SETD2: variants seen among roughly 807,000 people sequenced by gnomAD.
The protein encoded by SETD2 is histone-lysine N-methyltransferase SETD2.
A neutral mutation model predicts 242.1 loss-of-function variants in SETD2; 31 were observed. That is an observed-to-expected ratio of 0.13 (90% CI 0.10 to 0.17). The LOEUF is 0.17. Ranked by LOEUF, SETD2 falls within the 10% of genes least tolerant of loss-of-function variation. The probability of loss-of-function intolerance (pLI) is 1.00; values close to 1 mark genes in which losing one functional copy is unlikely to be tolerated. For missense variants in SETD2, 2,481 were observed against 3,046.3 expected, an observed-to-expected ratio of 0.81 and a Z score of 4.37; for synonymous variants, 1,006 against 1,066.5, an observed-to-expected ratio of 0.94 and a Z score of 1.11.
chr3:47,141,753 C>T (rs1268420885), intron 1 of SETD2, among the ~76,000 whole-genome samples: 1 of 152,020 alleles, frequency 6.6e-6, no homozygotes, highest in African/African-American at 2.4e-5. Context: ...AAGTTACCAC[C>T]CGACCAAAAT....
Position 47,159,890 on chromosome 3 carries a change from G to A in SETD2, c.71+3964C>T, listed in dbSNP as rs1282303968. ...TTCAGGAGGCTGAAGCAGGAGAATC[G>A]CTTAAAGCCAGGGGGCAGAGGTTGC... On this transcript the variant is annotated intron_variant, in intron 1 of 20. Coordinates refer to ENST00000409792, the MANE Select transcript of SETD2 (RefSeq NM_014159.7). Among the ~76,000 whole-genome samples, 9 of 151,390 alleles carry A rather than the reference G, an allele frequency of 5.9e-5. No individual in the cohort carries two copies. In the South Asian group the frequency reaches 1.0e-3, roughly 18 times the overall value.
At chr3:47,027,892 C>T (rs993635407) in intron 18 of SETD2, among the ~76,000 whole-genome samples, 5 of 151,486 alleles carry the variant, frequency 3.3e-5, no homozygotes, top group African/African-American at 4.9e-5. Flanking sequence ...CCCGGGTTCA[C>T]GCCATTCTCC....
chr3:47,144,362 G>A (rs1396283213), intron 1 of SETD2, among the ~76,000 whole-genome samples: 5 of 152,094 alleles, frequency 3.3e-5, no homozygotes, highest in African/African-American at 1.2e-4. Context: ...AGTCCAGCCG[G>A]GTGCAGTGGC....
intron 18 of SETD2, among the ~76,000 whole-genome samples, chr3:47,024,900 T>C (rs1004460488): frequency 1.3e-5 from 2 of 152,124 alleles, no homozygotes; most frequent in African/African-American, 4.8e-5. Flanking sequence ...TACACTTATC[T>C]TGATGGTGAG....
chr3:47,101,665 T>C (rs2042219531), intron 7 of SETD2, 110 bp from the exon 8 acceptor site: 7 of 614,996 alleles, frequency 1.1e-5, no homozygotes, highest in African/African-American at 3.7e-5. Context: ...TCATCTGCCT[T>C]AATTATGCAA....
rs559045162 is a variant in SETD2 at position 47,037,670 on chromosome 3, A to C, written c.7346T>G (p.Met2449Arg). The C allele has an allele frequency of 6.2e-7, 1 of 1,611,404 alleles. No individual in the cohort carries two copies. Among genetic ancestry groups the C allele is most frequent in the African/African-American group, 1.3e-5 (1 of 74,924 alleles). ...ACATGTGTAAGCCACACTCACCTTCATGGGGTTTTCATCATATGTTGGAGT... is the reference window on the plus strand; with the variant it reads ...ACATGTGTAAGCCACACTCACCTTCCTGGGGTTTTCATCATATGTTGGAGT... ...LGTPTYDENP[M>R]KASKKPKTAE... The change falls in exon 18 of 21, where the codon ATG becomes AGG. Residue 2449 changes from methionine (M) to arginine (R), a missense_variant. This residue lies in a region of SETD2 where 40 missense variants were observed against 89.5 expected (regional missense o/e 0.45). Coordinates refer to ENST00000409792, the MANE Select transcript of SETD2 (RefSeq NM_014159.7).
At chr3:47,046,388 A>G (rs570854901) in intron 16 of SETD2, 99 bp downstream of exon 16, 1 of 1,098,032 alleles carries the variant, frequency 9.1e-7, no homozygotes, top group Non-Finnish European at 1.2e-6. Flanking sequence ...TGAAAAAAAA[A>G]CCCAAAAATA....
At position 47,091,850 on chromosome 3, in the gene SETD2, C is replaced by T. The variant is rs2041818316; in HGVS notation, c.5143-3603G>A. On this transcript the variant is annotated intron_variant, in intron 9 of 20. Coordinates refer to ENST00000409792, the MANE Select transcript of SETD2 (RefSeq NM_014159.7). ...ATCCCAGCTACTCTGATGGCTGAGG[C>T]AGGAGAATCACTTGAACTTGGGAGG... is the stretch of plus-strand genomic sequence containing the variant. Among the ~76,000 whole-genome samples, 3 of 152,024 alleles carry T rather than the reference C, an allele frequency of 2.0e-5. No individual in the cohort carries two copies. The South Asian group carries it at 6.2e-4, about 31-fold the overall frequency.
intron 9 of SETD2, among the ~76,000 whole-genome samples, chr3:47,089,230 GAGCTCAGGAGTTTAAGACC>G (rs1249857645): frequency 6.6e-6 from 1 of 152,162 alleles, no homozygotes; most frequent in African/African-American, 2.4e-5. Context: ...AAGATGACTT[GAGCTCAGGAGTTTAAGACC>G]AGCCTGGGCA....
chr3:47,027,209 G>T (rs2038523234), intron 18 of SETD2, among the ~76,000 whole-genome samples: 1 of 151,814 alleles, frequency 6.6e-6, no homozygotes, highest in Non-Finnish European at 1.5e-5. Flanking sequence ...GTGGTGGCGG[G>T]CGCCTGTAGT....
intron 1 of SETD2, among the ~76,000 whole-genome samples, chr3:47,150,178 T>G (rs1455642081): frequency 6.6e-6 from 1 of 151,866 alleles, no homozygotes; most frequent in East Asian, 1.9e-4. Context: ...TCCAGGCACC[T>G]GCCACCACGC....
chr3:47,048,678 C>T (rs2039646268), intron 15 of SETD2, among the ~76,000 whole-genome samples: 1 of 152,082 alleles, frequency 6.6e-6, no homozygotes, highest in Admixed American at 6.5e-5. Flanking sequence ...CATTCTACAG[C>T]TGTATAAACA....
chr3:47,045,972 A>T (rs60362181), intron 16 of SETD2, among the ~76,000 whole-genome samples: 10,264 of 149,644 alleles, frequency 0.069, 1,152 homozygotes, highest in African/African-American at 0.23. Context: ...AATTAAAAAA[A>T]TTTTTTTTTT....
chr3:47,054,336 A>T (rs1161317264), intron 15 of SETD2, among the ~76,000 whole-genome samples: 1 of 152,160 alleles, frequency 6.6e-6, no homozygotes, highest in Non-Finnish European at 1.5e-5. Flanking sequence ...TATAAGAAAA[A>T]TCATATGACC....
chr3:47,089,948 A>G (rs1470137261), intron 9 of SETD2, among the ~76,000 whole-genome samples: 1 of 152,182 alleles, frequency 6.6e-6, no homozygotes, highest in Non-Finnish European at 1.5e-5. Context: ...GAGAAAAACC[A>G]TACCAAATAA....
rs892374525 is a variant in SETD2 at position 47,163,857 on chromosome 3, G to C, written c.68C>G (p.Pro23Arg). Residue 23 changes from proline to arginine, a missense_variant, in exon 1 of 21, where the codon CCT becomes CGT. Pro to Arg is a moderately radical substitution (Grantham distance 103). Coordinates refer to ENST00000409792, the MANE Select transcript of SETD2 (RefSeq NM_014159.7). ...GDFYDPEHPT[P>R]EEEENEAKIE... ...GGGCCGCGGAGCTGATACTTACTCA[G>C]GGGTCGGGTGCTCCGGGTCGTAGAA... 1.1e-5 allele frequency: 15 copies of C among 1,306,062 alleles called. No individual in the cohort carries two copies. The highest frequency in any genetic ancestry group is 1.4e-5 in the Non-Finnish European group (14 of 1,020,928). 80.9% of individuals were successfully genotyped at this position (1,306,062 alleles called of 1,614,324 possible). A position where few individuals can be genotyped will look rare whatever the true frequency, so the allele number is the denominator to read the frequency against.
At chr3:47,120,075 AC>A in intron 3 of SETD2, 106 bp downstream of exon 3, 1 of 924,926 alleles carries the variant, frequency 1.1e-6, no homozygotes. Flanking sequence ...ACTTTATCCC[AC>A]AACTCTTTCA....
intron 13 of SETD2, among the ~76,000 whole-genome samples, chr3:47,063,113 T>G (rs1159485863): frequency 2.0e-5 from 3 of 152,160 alleles, no homozygotes; most frequent in Non-Finnish European, 4.4e-5. Context: ...AAGTTGCCCC[T>G]CCTTATAGGC....
chr3:47,067,406 CTT>C (rs548953692), intron 12 of SETD2, among the ~76,000 whole-genome samples: 552 of 83,866 alleles, frequency 6.6e-3, no homozygotes, highest in Non-Finnish European at 8.6e-3. Flanking sequence ...TCCTGAGCAT[CTT>C]TTTTTTTTTT....
Sources: allele counts gnomAD v4.1 joint callset (sites outside exome capture counted in the v4.1 genomes callset), GRCh38; gene constraint gnomAD v4.1.1; regional missense constraint gnomAD v4.1.1; transcripts MANE v1.5; gene names NCBI Gene and HGNC (gene_info 2026-07-23, HGNC 2026-07-21).